Variants in DGLUCY observed in about 807,000 individuals in gnomAD.
DGLUCY encodes D-glutamate cyclase, mitochondrial.
DGLUCY carries 58 observed loss-of-function variants against 58.5 expected under a neutral mutation model. The ratio of observed to expected loss-of-function variants is 0.99; its 90% CI spans 0.80 to 1.23. The LOEUF (loss-of-function observed/expected upper bound fraction) is 1.23. Ranked by LOEUF, DGLUCY falls within the 50% of genes most tolerant of loss-of-function variation. DGLUCY has a pLI of 0.00. For missense variants in DGLUCY, 779 were observed against 784.7 expected (o/e 0.99, Z 0.09); for synonymous variants, 325 against 314.1 (o/e 1.03, Z -0.37).
chr14:91,166,796 C>T (rs1190305199), intron 3 of DGLUCY, among the ~76,000 whole-genome samples: 1 of 151,964 alleles, frequency 6.6e-6, no homozygotes, highest in Non-Finnish European at 1.5e-5. Flanking sequence ...CAAGACCTTG[C>T]CACTTTAAAA....
At chr14:91,118,128 T>C (rs1281121606) in intron 1 of DGLUCY, among the ~76,000 whole-genome samples, 3 of 127,140 alleles carry the variant, frequency 2.4e-5, no homozygotes. Flanking sequence ...TTGTCCAGGC[T>C]AGAGTACAGT....
chr14:91,199,248 G>T (rs1031732521), intron 10 of DGLUCY, among the ~76,000 whole-genome samples: 6 of 150,622 alleles, frequency 4.0e-5, no homozygotes, highest in African/African-American at 1.5e-4. Context: ...AATTGCTGAG[G>T]ATTCCAATGC....
chr14:91,080,928 G>T (rs2140046380), intron 1 of DGLUCY, among the ~76,000 whole-genome samples: 1 of 152,292 alleles, frequency 6.6e-6, no homozygotes, highest in Admixed American at 6.5e-5. Context: ...TATTGGCCGG[G>T]CACGGTGGCT....
chr14:91,185,852 G>T (rs2049485083), intron 8 of DGLUCY, among the ~76,000 whole-genome samples: 1 of 152,178 alleles, frequency 6.6e-6, no homozygotes, highest in South Asian at 2.1e-4. Context: ...GAGGCTGGGG[G>T]AGGCAGATTT....
chr14:91,133,926 C>A (rs915389115), intron 1 of DGLUCY, among the ~76,000 whole-genome samples: 1 of 152,152 alleles, frequency 6.6e-6, no homozygotes, highest in Admixed American at 6.6e-5. Flanking sequence ...GCTCAGTGGC[C>A]ATTTGTATAG....
At chr14:91,075,486 G>T (rs568459381) in intron 1 of DGLUCY, among the ~76,000 whole-genome samples, 2 of 152,232 alleles carry the variant, frequency 1.3e-5, no homozygotes, top group African/African-American at 4.8e-5. Flanking sequence ...TTTGTCCTTT[G>T]TTGGGCATCC....
At chr14:91,114,460 G>C (rs1441780977) in intron 1 of DGLUCY, 177 bp downstream of exon 1, 1 of 152,406 alleles carries the variant, frequency 6.6e-6, no homozygotes, top group Non-Finnish European at 1.5e-5. Flanking sequence ...CTGAGGCCCA[G>C]CTGTTCCTCT....
chr14:91,145,151 C>G (rs1022836045), intron 1 of DGLUCY: 5 of 152,188 alleles, frequency 3.3e-5, no homozygotes, highest in Non-Finnish European at 5.9e-5. Flanking sequence ...TGTGCTGACA[C>G]TAGGCTGGAG....
chr14:91,190,453 T>A (rs185663360), intron 9 of DGLUCY, among the ~76,000 whole-genome samples: 1 of 152,126 alleles, frequency 6.6e-6, no homozygotes, highest in East Asian at 1.9e-4. Flanking sequence ...ATGAGGAGAC[T>A]GGAGAGTGAG....
upstream of DGLUCY, among the ~76,000 whole-genome samples, chr14:91,112,915 C>T (rs2044732286): frequency 7.1e-6 from 1 of 141,390 alleles, no homozygotes; most frequent in Non-Finnish European, 1.5e-5. Flanking sequence ...AGGAGAATGG[C>T]GTGAACCCAG....
chr14:91,103,746 C>T (rs1422376583), upstream of DGLUCY, among the ~76,000 whole-genome samples: 1 of 152,102 alleles, frequency 6.6e-6, no homozygotes, highest in Non-Finnish European at 1.5e-5. Context: ...CATCAACCTA[C>T]AGTCCTTCTC....
chr14:91,131,973 A>G (rs964411491), intron 1 of DGLUCY, among the ~76,000 whole-genome samples: 5 of 152,070 alleles, frequency 3.3e-5, no homozygotes, highest in Non-Finnish European at 5.9e-5. Context: ...TTGTATTTTT[A>G]GTAGAGACAG....
At chr14:91,079,793 C>T (rs1289810944) in intron 1 of DGLUCY, among the ~76,000 whole-genome samples, 1 of 152,140 alleles carries the variant, frequency 6.6e-6, no homozygotes, top group African/African-American at 2.4e-5. Flanking sequence ...GCTTTTATGG[C>T]TGTTAAAAAA....
At chr14:91,153,394 G>C (rs1188450642) in intron 1 of DGLUCY, among the ~76,000 whole-genome samples, 1 of 152,168 alleles carries the variant, frequency 6.6e-6, no homozygotes, top group African/African-American at 2.4e-5. Context: ...TGTTGGCCAG[G>C]CTGATCTCAA....
intron 1 of DGLUCY, among the ~76,000 whole-genome samples, chr14:91,102,743 A>ATGTGTGTGTGGGTGTG (rs2044511292): frequency 7.7e-6 from 1 of 130,586 alleles, no homozygotes; most frequent in Non-Finnish European, 1.6e-5. Flanking sequence ...TCCAGTGTGT[A>ATGTGTGTGTGGGTGTG]TGTGTGTGTG....
chr14:91,157,003 GTGGGTGAATGGATGAATGGC>G (rs1256206077), intron 1 of DGLUCY, among the ~76,000 whole-genome samples: 1 of 152,224 alleles, frequency 6.6e-6, no homozygotes, highest in Admixed American at 6.5e-5. Flanking sequence ...AAATGGGTGG[GTGGGTGAATGGATGAATGGC>G]TGGGTGAATG....
In DGLUCY at chr14:91,157,203, A is replaced by G. The variant is rs11845178; in HGVS notation, c.-81-436A>G. On this transcript the variant is annotated intron_variant, in intron 1 of 13. Coordinates refer to ENST00000256324, the MANE Select transcript of DGLUCY (RefSeq NM_001102368.3). ...GATGGATGGGTGGATAGATGGATGG[A>G]TGAATGAATGGGTGGATGGATGGAT... 2.5e-3 allele frequency among the ~76,000 whole-genome samples: 344 copies of G among 138,246 alleles called. 2 individuals are homozygous for G. Among genetic ancestry groups the G allele is most frequent in the African/African-American group, 0.01 (331 of 32,808 alleles). The allele number at this position is 138,246 out of a possible 152,430, so 90.7% of individuals were successfully genotyped here.
Position 91,204,826 on chromosome 14 carries a change from G to A in DGLUCY, c.1564+1G>A, listed in dbSNP as rs764512403. On this transcript the variant is annotated splice_donor_variant, in intron 12 of 13. Coordinates refer to ENST00000256324, the MANE Select transcript of DGLUCY (RefSeq NM_001102368.3). LOFTEE classifies it high-confidence loss of function. ...GAGGCTGACTTTGCCGTCATTGCTGGTGAGCACTCGGATGGCCGCCCAGTC... is the reference window on the plus strand; with the variant it reads ...GAGGCTGACTTTGCCGTCATTGCTGATGAGCACTCGGATGGCCGCCCAGTC... 1.9e-6 allele frequency: 3 copies of A among 1,614,074 alleles called. No individual in the cohort carries two copies. The South Asian group carries it at 3.3e-5, about 18-fold the overall frequency.
In DGLUCY at chr14:91,100,887, A is replaced by G. The variant is rs573208309; in HGVS notation, c.-82+40183A>G. 8.5e-5 allele frequency among the ~76,000 whole-genome samples: 13 copies of G among 152,262 alleles called. No homozygotes were observed. In the East Asian group the frequency reaches 2.5e-3, roughly 29 times the overall value. ...GGAGTTCAAGACCAGCCTGGCCAAC[A>G]TGGTAAAACCCTGTCTCTACTAAAA... On this transcript the variant is annotated intron_variant, in intron 1 of 4. Transcript: ENST00000521334.
Sources: gnomAD v4.1 joint callset for allele counts (sites outside exome capture counted in the v4.1 genomes callset) on GRCh38, gnomAD v4.1.1 for gene constraint, MANE v1.5 for transcripts, NCBI Gene and HGNC (gene_info 2026-07-23, HGNC 2026-07-21) for gene names.